The following ALPK1 variants were observed in gnomAD, a reference collection of about 807,000 sequenced individuals.
ALPK1 encodes alpha-protein kinase 1.
In ALPK1, 110 loss-of-function variants were observed where a neutral mutation model predicts 120.6. The observed-to-expected ratio is 0.91, with a 90% CI of 0.78 to 1.07. ALPK1 has a LOEUF of 1.07. Ranked by LOEUF, ALPK1 falls within the 50% of genes least tolerant of loss-of-function variation. The probability of loss-of-function intolerance (pLI) is 0.00; values close to 1 mark genes in which losing one functional copy is unlikely to be tolerated. For missense variants in ALPK1, 1,498 were observed against 1,483.9 expected (o/e 1.01, Z -0.16); for synonymous variants, 582 against 560.3 (o/e 1.04, Z -0.55).
chr4:112,425,763 T>C lies in ALPK1; in HGVS notation c.622+12T>C. ...TCTGCAAAAGCTGGGTACAATCATG[T>C]AAAACTTGCATTTCTCAAGGCTCAT... On this transcript the variant is annotated intron_variant, in intron 7 of 15. Coordinates refer to ENST00000650871, the MANE Select transcript of ALPK1 (RefSeq NM_025144.4). 6.2e-7 allele frequency: 1 copy of C among 1,604,758 alleles called. No individual in the cohort carries two copies. Among genetic ancestry groups the C allele is most frequent in the Non-Finnish European group, 8.5e-7 (1 of 1,173,250 alleles).
intron 2 of ALPK1, chr4:112,358,794 A>T: frequency 1.2e-6 from 1 of 827,402 alleles, no homozygotes; most frequent in Non-Finnish European, 2.2e-6. Context: ...CATGGTGGCC[A>T]TGAAGTAGGA....
intron 4 of ALPK1, among the ~76,000 whole-genome samples, chr4:112,406,154 G>A (rs1273626603): frequency 6.6e-6 from 1 of 152,030 alleles, no homozygotes; most frequent in African/African-American, 2.4e-5. Flanking sequence ...GTAAAGCAGG[G>A]TGTCAAAGAG....
At chr4:112,340,449 C>T (rs762452408) in intron 2 of ALPK1, among the ~76,000 whole-genome samples, 3 of 152,066 alleles carry the variant, frequency 2.0e-5, no homozygotes, top group Non-Finnish European at 4.4e-5. Flanking sequence ...CATACACATA[C>T]GTATTTATAC....
Position 112,431,047 on chromosome 4 carries a change from A to T in ALPK1, c.1500A>T (p.Ile500=). ...CTCTAAAAACAGAAATAAAAAACAT[A>T]GATACTGTGAGTACTACTCAAGAAA... ...ITALKTEIKN[I]DTVSTTQEKP... The change falls in exon 11 of 16, where the codon ATA becomes ATT. Residue 500 remains isoleucine, a synonymous_variant. Coordinates refer to ENST00000650871, the MANE Select transcript of ALPK1 (RefSeq NM_025144.4). 1.2e-6 allele frequency: 2 copies of T among 1,613,900 alleles called. No individual in the cohort carries two copies. The highest frequency in any genetic ancestry group is 1.7e-6 in the Non-Finnish European group (2 of 1,179,982).
At chr4:112,377,381 G>A (rs918482668) in intron 2 of ALPK1, among the ~76,000 whole-genome samples, 7 of 152,166 alleles carry the variant, frequency 4.6e-5, no homozygotes, top group African/African-American at 7.2e-5. Context: ...TGTGAAGTAC[G>A]CAGAAGATAA....
rs1013754898 is a variant in ALPK1, at chr4:112,379,184, G to A, written c.121+1286G>A. On this transcript the variant is annotated intron_variant, in intron 3 of 15. Transcript: ENST00000650871. ...TTCCTTTAAGCTTTGTGTTCTCCCT[G>A]ATGAAGACTCTGAGCTCCCAATTGG... 4.6e-5 allele frequency among the ~76,000 whole-genome samples: 7 copies of A among 152,198 alleles called. 1 individual carries two copies. The highest frequency in any genetic ancestry group is 4.6e-4 in the Admixed American group (7 of 15,284).
chr4:112,312,286 T>C (rs982699875), intron 1 of ALPK1, among the ~76,000 whole-genome samples: 7 of 152,182 alleles, frequency 4.6e-5, no homozygotes, highest in Admixed American at 4.6e-4. Flanking sequence ...GATTCTTTTT[T>C]TTTTTGAGAT....
rs1053355112 is a variant in ALPK1 at position 112,429,089 on chromosome 4, G to GT, written c.796-54dup. The GT allele has an allele frequency of 5.5e-6, 8 of 1,450,684 alleles. 1 individual carries two copies. The East Asian group carries it at 1.6e-4, about 29-fold the overall frequency. The allele number at this position is 1,450,684 out of a possible 1,614,324, so 89.9% of individuals were successfully genotyped here. A position where few individuals can be genotyped will look rare whatever the true frequency, so the allele number is the denominator to read the frequency against. ...GAAAAGCAAAACCATTTCATAGCCT[G>GT]TTTTTTGCTCATCGATAATTAATTA... On this transcript the variant is annotated intron_variant, in intron 9 of 15. Coordinates refer to ENST00000650871, the MANE Select transcript of ALPK1 (RefSeq NM_025144.4).
chr4:112,399,334 C>G (rs1170158292), intron 4 of ALPK1, among the ~76,000 whole-genome samples: 1 of 152,168 alleles, frequency 6.6e-6, no homozygotes, highest in Non-Finnish European at 1.5e-5. Context: ...TTGATTTGCT[C>G]AGCTAAATCT....
intron 2 of ALPK1, among the ~76,000 whole-genome samples, chr4:112,370,911 A>T (rs534354447): frequency 2.3e-4 from 35 of 152,284 alleles, no homozygotes; most frequent in South Asian, 1.0e-3. Flanking sequence ...GGATGATATG[A>T]TTTATCTAAC....
At chr4:112,382,907 C>A in intron 4 of ALPK1, 2 of 254,294 alleles carry the variant, frequency 7.9e-6, no homozygotes, top group Non-Finnish European at 1.6e-5. Flanking sequence ...AGTTAGGTAG[C>A]TTAAAAAAGT....
intron 2 of ALPK1, among the ~76,000 whole-genome samples, chr4:112,352,177 C>G (rs1008629493): frequency 1.3e-5 from 2 of 152,152 alleles, no homozygotes; most frequent in African/African-American, 4.8e-5. Context: ...TTAATATTTT[C>G]ATCAAATGCG....
intron 2 of ALPK1, among the ~76,000 whole-genome samples, chr4:112,366,133 A>G (rs1370195796): frequency 6.6e-6 from 1 of 152,200 alleles, no homozygotes; most frequent in Non-Finnish European, 1.5e-5. Context: ...AAATCTTACT[A>G]GACATTGGCT....
chr4:112,388,120 A>G (rs1732234100), intron 4 of ALPK1, among the ~76,000 whole-genome samples: 1 of 152,172 alleles, frequency 6.6e-6, no homozygotes, highest in Non-Finnish European at 1.5e-5. Flanking sequence ...ATTCTTTTTT[A>G]TGGCTGCATA....
Position 112,441,777 on chromosome 4 carries a change from G to T in ALPK1, c.*567G>T. ...GAGTTTCTTTCTTTTTAATTCTCCT[G>T]TATTTCCTTCTAGTATAATTAAATC... is the stretch of plus-strand genomic sequence containing the variant. On this transcript the variant is annotated 3_prime_UTR_variant, in exon 16 of 16. Transcript: ENST00000650871. The T allele has an allele frequency of 6.6e-6, 1 of 152,492 alleles. No individual in the cohort carries two copies. Among genetic ancestry groups the T allele is most frequent in the Non-Finnish European group, 1.5e-5 (1 of 68,278 alleles). 9.4% of individuals were successfully genotyped at this position (152,492 alleles called of 1,614,324 possible). A position where few individuals can be genotyped will look rare whatever the true frequency, so the allele number is the denominator to read the frequency against.
In ALPK1 at chr4:112,422,052, T is replaced by C. The variant is rs569833569; in HGVS notation, c.476-1892T>C. Reference sequence around the variant, plus strand: ...ACTGCATTACCTGACAGACAGTTGATCTGATCATGGAGAGGTCTGCTAAGT... The same window carrying C: ...ACTGCATTACCTGACAGACAGTTGACCTGATCATGGAGAGGTCTGCTAAGT... On this transcript the variant is annotated intron_variant, in intron 5 of 15. Transcript: ENST00000650871. Among the ~76,000 whole-genome samples, 5 of 152,294 alleles carry C rather than the reference T, an allele frequency of 3.3e-5. No individual in the cohort carries two copies. In the East Asian group the frequency reaches 9.7e-4, roughly 29 times the overall value.
At chr4:112,432,650 G>A in intron 11 of ALPK1, 69 bp downstream of exon 11, 1 of 1,432,750 alleles carries the variant, frequency 7.0e-7, no homozygotes. Flanking sequence ...GAAGAGCTTG[G>A]TATGTAGATC....
intron 1 of ALPK1, among the ~76,000 whole-genome samples, chr4:112,301,834 G>A (rs1255162576): frequency 6.6e-6 from 1 of 152,116 alleles, no homozygotes; most frequent in Non-Finnish European, 1.5e-5. Flanking sequence ...CTCATTGCAA[G>A]TTCTACGTCC....
intron 2 of ALPK1, among the ~76,000 whole-genome samples, chr4:112,337,455 G>A (rs192453420): frequency 1.2e-3 from 184 of 152,304 alleles, no homozygotes; most frequent in Middle Eastern, 0.01. Flanking sequence ...AGCATTTTGG[G>A]AGGCTGAGGC....
Sources: allele counts gnomAD v4.1 joint callset (sites outside exome capture counted in the v4.1 genomes callset), GRCh38; gene constraint gnomAD v4.1.1; transcripts MANE v1.5; gene names NCBI Gene and HGNC (gene_info 2026-07-23, HGNC 2026-07-21).